PLAG1: variants seen among roughly 807,000 people sequenced by gnomAD.
The protein encoded by PLAG1 is PLAG1 zinc finger, also known as zinc finger protein PLAG1.
Under a neutral mutation model 35.5 loss-of-function variants are expected in PLAG1, and 7 were observed. That is an observed-to-expected ratio of 0.20 (90% CI 0.11 to 0.37). The LOEUF (loss-of-function observed/expected upper bound fraction) is 0.37, where lower values mean the gene tolerates loss of function less well. PLAG1 is among the 10% of genes least tolerant of loss of function. PLAG1 has a pLI of 1.00. For synonymous variants in PLAG1, 229 were observed against 225.4 expected (o/e 1.02, Z -0.14); for missense variants, 454 against 602.8 (o/e 0.75, Z 2.58).
intron 1 of PLAG1, among the ~76,000 whole-genome samples, chr8:56,191,721 G>C (rs1401327175): frequency 1.3e-5 from 2 of 148,722 alleles, no homozygotes; most frequent in African/African-American, 5.0e-5. Flanking sequence ...TGGCAGGTGT[G>C]TTTTTCTCCC....
rs773605798 is a variant in PLAG1 at position 56,167,386 on chromosome 8, C to T, written c.360G>A (p.Thr120=). ...TCTTGCCACATTCTTCGCACTTAAACGTCTCTTTGTTAGGGTCGTGTGTAT... is the reference window on the plus strand; with the variant it reads ...TCTTGCCACATTCTTCGCACTTAAATGTCTCTTTGTTAGGGTCGTGTGTAT... ...HLHTHDPNKE[T]FKCEECGKNY... Residue 120 remains threonine (T), a synonymous_variant, in exon 5 of 5, where the codon ACG becomes ACA. Coordinates refer to ENST00000316981, the MANE Select transcript of PLAG1 (RefSeq NM_002655.3). This position sits in a 1 kb window ranked among gnomAD's most constrained non-coding sequence, Gnocchi z 5.9. 9.9e-6 allele frequency: 16 copies of T among 1,613,976 alleles called. No individual in the cohort carries two copies. The highest frequency in any genetic ancestry group is 3.3e-5 in the South Asian group (3 of 91,078).
chr8:56,198,618 G>A (rs551601403), intron 1 of PLAG1, among the ~76,000 whole-genome samples: 6 of 152,316 alleles, frequency 3.9e-5, no homozygotes, highest in Non-Finnish European at 5.9e-5. Context: ...CCTCCAGCAC[G>A]TAGAGCTCCT....
rs567055103 is a variant in PLAG1 at position 56,167,765 on chromosome 8, G to A, written c.243-262C>T. On this transcript the variant is annotated intron_variant, in intron 4 of 4. Transcript: ENST00000316981. The surrounding 1 kb of genome is among the most constrained non-coding windows in gnomAD (Gnocchi z 5.9). ...CAAGACTGAATATACTCACGTAAAC[G>A]TCCTTACCCTTTTCTTGTTGTAATT... 7.2e-5 allele frequency among the ~76,000 whole-genome samples: 11 copies of A among 152,238 alleles called. No homozygotes were observed. The highest frequency in any genetic ancestry group is 3.4e-3 in the Middle Eastern group (1 of 294).
intron 1 of PLAG1, among the ~76,000 whole-genome samples, chr8:56,198,084 C>T (rs906390939): frequency 3.3e-5 from 5 of 152,224 alleles, no homozygotes; most frequent in South Asian, 2.1e-4. Flanking sequence ...AGCCTCTAAC[C>T]GCTGCTCAGG....
intron 1 of PLAG1, 91 bp downstream of exon 1, chr8:56,211,030 C>G (rs1812891886): frequency 6.6e-6 from 1 of 152,156 alleles, no homozygotes; most frequent in Admixed American, 6.6e-5. Flanking sequence ...CGCTGCTCCT[C>G]TGCCCCCTCG....
At chr8:56,176,998 A>G (rs1004368584) in intron 2 of PLAG1, among the ~76,000 whole-genome samples, 2 of 152,360 alleles carry the variant, frequency 1.3e-5, no homozygotes, top group Admixed American at 1.3e-4. Flanking sequence ...GAATCTGCCT[A>G]TAAATTCAAA....
intron 1 of PLAG1, among the ~76,000 whole-genome samples, chr8:56,193,760 C>T (rs1427692707): frequency 2.7e-5 from 4 of 148,854 alleles, no homozygotes; most frequent in African/African-American, 5.0e-5. Flanking sequence ...TGCAGTGGCA[C>T]GATCCCGGCT....
At chr8:56,200,782 A>G (rs559964020) in intron 1 of PLAG1, among the ~76,000 whole-genome samples, 3 of 152,242 alleles carry the variant, frequency 2.0e-5, no homozygotes, top group East Asian at 1.9e-4. Flanking sequence ...TTCAAAGCCC[A>G]TCTCAAGTTC....
intron 1 of PLAG1, among the ~76,000 whole-genome samples, chr8:56,201,188 A>G (rs941526522): frequency 6.6e-6 from 1 of 152,214 alleles, no homozygotes; most frequent in Non-Finnish European, 1.5e-5. Context: ...GAAGATCATC[A>G]GTGGCATTTT....
chr8:56,196,951 C>CGTGTGTGTGTGTGTGTGTGTGT (rs10534078), intron 1 of PLAG1, among the ~76,000 whole-genome samples: 1 of 142,962 alleles, frequency 7.0e-6, no homozygotes, highest in Non-Finnish European at 1.5e-5. Flanking sequence ...CCCTAGTGTG[C>CGTGTGTGTGTGTGTGTGTGTGT]GTGTGTGTGT....
chr8:56,206,841 G>A (rs1812714575), intron 1 of PLAG1, among the ~76,000 whole-genome samples: 1 of 151,926 alleles, frequency 6.6e-6, no homozygotes, highest in African/African-American at 2.4e-5. Context: ...AATGGCTCAA[G>A]GGATGATTTA....
At chr8:56,183,283 C>T (rs769567246) in intron 1 of PLAG1, among the ~76,000 whole-genome samples, 2 of 151,604 alleles carry the variant, frequency 1.3e-5, no homozygotes, top group Non-Finnish European at 2.9e-5. Flanking sequence ...AAAATTTAAG[C>T]AAAAATAAAA....
Position 56,162,777 on chromosome 8 carries a change from G to A in PLAG1, c.*3466C>T. ...AATAAAGCAATCGGCTCTGGCTCAT[G>A]TTTCAGTCAGTATATGGTTTTTAAA... is the stretch of plus-strand genomic sequence containing the variant. On this transcript the variant is annotated 3_prime_UTR_variant, in exon 5 of 5. Transcript: ENST00000316981. The A allele has an allele frequency of 4.7e-6, 1 of 212,066 alleles. No homozygotes were observed. The highest frequency in any genetic ancestry group is 9.6e-6 in the Non-Finnish European group (1 of 104,468). 13.1% of individuals were successfully genotyped at this position (212,066 alleles called of 1,614,324 possible). A position where few individuals can be genotyped will look rare whatever the true frequency, so the allele number is the denominator to read the frequency against.
rs200873507 is a variant in PLAG1, at chr8:56,167,387, G to A, written c.359C>T (p.Thr120Met). 426 of 1,613,904 alleles carry A rather than the reference G, an allele frequency of 2.6e-4. No individual in the cohort carries two copies. The highest frequency in any genetic ancestry group is 9.3e-4 in the South Asian group (85 of 91,070). The change falls in exon 5 of 5, where the codon ACG becomes ATG. Residue 120 changes from threonine (T) to methionine (M), a missense_variant. Around this residue, in one of 4 missense-constraint regions of PLAG1, gnomAD observed 170 missense variants for 226.3 expected, o/e 0.75. Coordinates refer to ENST00000316981, the MANE Select transcript of PLAG1 (RefSeq NM_002655.3). This position sits in a 1 kb window ranked among gnomAD's most constrained non-coding sequence, Gnocchi z 5.9. ...HLHTHDPNKE[T>M]FKCEECGKNY... Reference sequence around the variant, plus strand: ...CTTGCCACATTCTTCGCACTTAAACGTCTCTTTGTTAGGGTCGTGTGTATG... The same window carrying A: ...CTTGCCACATTCTTCGCACTTAAACATCTCTTTGTTAGGGTCGTGTGTATG...
rs1563373280 is a variant in PLAG1, at chr8:56,167,136, T to C, written c.610A>G (p.Met204Val). The change falls in exon 5 of 5, where the codon ATG (methionine) becomes GTG (valine). Residue 204 changes from methionine to valine, a missense_variant. This residue lies in a region of PLAG1 where 9 missense variants were observed against 37.4 expected (regional missense o/e 0.24). Transcript: ENST00000316981. The surrounding 1 kb of genome is among the most constrained non-coding windows in gnomAD (Gnocchi z 5.9). ...FYTRKDVRRH[M>V]VVHTGRKDFL... ...TCCTTTCTTCCAGTGTGCACCACCA[T>C]GTGTCTCCGGACATCCTTTCGGGTG... The C allele has an allele frequency of 1.2e-6, 2 of 1,614,104 alleles. No individual in the cohort carries two copies. The highest frequency in any genetic ancestry group is 1.7e-5 in the Admixed American group (1 of 59,992).
chr8:56,205,733 C>T (rs1404774775), intron 1 of PLAG1, among the ~76,000 whole-genome samples: 4 of 151,860 alleles, frequency 2.6e-5, no homozygotes, highest in Non-Finnish European at 5.9e-5. Context: ...ATTTTTGCTT[C>T]CTAACACCTT....
At position 56,184,759 on chromosome 8, in the gene PLAG1, A is replaced by T. The variant is rs141871475; in HGVS notation, c.-321-5246T>A. On this transcript the variant is annotated intron_variant, in intron 1 of 4. Coordinates refer to ENST00000316981, the MANE Select transcript of PLAG1 (RefSeq NM_002655.3). ...TGGTGAAACCCCATCCCTACTGAAA[A>T]TACAAAAATTAGCCGGTTGTGGTGG... is the stretch of plus-strand genomic sequence containing the variant. Among the ~76,000 whole-genome samples, 95 of 152,244 alleles carry T rather than the reference A, an allele frequency of 6.2e-4. 1 individual carries two copies. The East Asian group carries it at 0.014, about 23-fold the overall frequency.
At chr8:56,192,289 C>T (rs148672320) in intron 1 of PLAG1, among the ~76,000 whole-genome samples, 449 of 152,310 alleles carry the variant, frequency 2.9e-3, no homozygotes, top group African/African-American at 0.01. Flanking sequence ...AAGCATTTAA[C>T]TTAAGAAATA....
In PLAG1 at chr8:56,163,694, C is replaced by CAT; in HGVS notation, c.*2548_*2549insAT. On this transcript the variant is annotated 3_prime_UTR_variant, in exon 5 of 5. Transcript: ENST00000316981. ...GTGTGTATATATACACACACACACA[C>CAT]ACACATACACATACATACATATATG... 5.2e-6 allele frequency: 1 copy of CAT among 190,902 alleles called. No individual in the cohort carries two copies. Among genetic ancestry groups the CAT allele is most frequent in the East Asian group, 8.3e-5 (1 of 12,112 alleles). 11.8% of individuals were successfully genotyped at this position (190,902 alleles called of 1,614,324 possible).
Sources: allele counts gnomAD v4.1 joint callset (sites outside exome capture counted in the v4.1 genomes callset), GRCh38; gene constraint gnomAD v4.1.1; regional missense constraint gnomAD v4.1.1; non-coding constraint Gnocchi (gnomAD v3.1); transcripts MANE v1.5; gene names NCBI Gene and HGNC (gene_info 2026-07-23, HGNC 2026-07-21).